Variants in UGT1A8 observed in about 807,000 individuals in gnomAD.
The protein encoded by UGT1A8 is UDP glucuronosyltransferase family 1 member A8.
In UGT1A8, 39 loss-of-function variants were observed where a neutral mutation model predicts 45.3. The ratio of observed to expected loss-of-function variants is 0.86; its 90% confidence interval spans 0.67 to 1.12. The LOEUF is 1.12. Among genes scored for constraint, UGT1A8 ranks in the 50% most tolerant of loss-of-function variants. UGT1A8 has a pLI of 0.00. For synonymous variants in UGT1A8, 275 were observed against 249.2 expected (o/e 1.10, Z -0.97); for missense variants, 719 against 664.9 (o/e 1.08, Z -0.90).
At chr2:233,699,885 G>A (rs2075529887) in intron 1 of UGT1A8, among the ~76,000 whole-genome samples, 1 of 152,260 alleles carries the variant, frequency 6.6e-6, no homozygotes, top group South Asian at 2.1e-4. Flanking sequence ...TGTTGCAATT[G>A]GAGAGGCGAA....
chr2:233,636,558 ATG>A, intron 1 of UGT1A8: 1 of 1,613,894 alleles, frequency 6.2e-7, no homozygotes, highest in South Asian at 1.1e-5. Context: ...CCGTTCCTTT[ATG>A]TGTGTGTCTA....
chr2:233,643,014 C>A (rs1016102191), intron 1 of UGT1A8, among the ~76,000 whole-genome samples: 1 of 152,224 alleles, frequency 6.6e-6, no homozygotes, highest in Admixed American at 6.5e-5. Context: ...ACCAGCACAG[C>A]TCTGGGTCTC....
intron 1 of UGT1A8, among the ~76,000 whole-genome samples, chr2:233,669,341 T>A (rs1396598765): frequency 6.6e-6 from 1 of 152,208 alleles, no homozygotes; most frequent in Non-Finnish European, 1.5e-5. Context: ...TTTGCCAATT[T>A]GTACAAAAAG....
chr2:233,700,852 C>T (rs1159927866), intron 1 of UGT1A8, among the ~76,000 whole-genome samples: 1 of 152,028 alleles, frequency 6.6e-6, no homozygotes, highest in Non-Finnish European at 1.5e-5. Flanking sequence ...AGGTATATCT[C>T]CTAATGCTAT....
rs755142636 is a variant in UGT1A8 at position 233,617,694 on chromosome 2, G to T, written c.-14G>T. Reference sequence around the variant, plus strand: ...CTTAGAATCCCAGCTGCTGGCTCGGGCTGCAGTTCTCTCATGGCTCGCACA... The same window carrying T: ...CTTAGAATCCCAGCTGCTGGCTCGGTCTGCAGTTCTCTCATGGCTCGCACA... On this transcript the variant is annotated 5_prime_UTR_variant, in exon 1 of 5. Transcript: ENST00000373450. 3.7e-6 allele frequency: 6 copies of T among 1,606,636 alleles called. No individual in the cohort carries two copies. Among genetic ancestry groups the T allele is most frequent in the Non-Finnish European group, 5.1e-6 (6 of 1,175,468 alleles).
At chr2:233,684,467 G>A (rs1367938076) in intron 1 of UGT1A8, among the ~76,000 whole-genome samples, 3 of 152,098 alleles carry the variant, frequency 2.0e-5, no homozygotes, top group Non-Finnish European at 4.4e-5. Flanking sequence ...CCCATGCTGA[G>A]TTTGTTGTGG....
In UGT1A8 at chr2:233,737,318, G is replaced by C. The variant is rs1217578074; in HGVS notation, c.856-29716G>C. On this transcript the variant is annotated intron_variant, in intron 1 of 4. Coordinates refer to ENST00000373450, the MANE Select transcript of UGT1A8 (RefSeq NM_019076.5). ...CCTCACAGTTCAATCTCAGACTGCT[G>C]CACTAGCAGTGAGCAAGGCTCCGTG... 2.0e-5 allele frequency among the ~76,000 whole-genome samples: 3 copies of C among 152,236 alleles called. No homozygotes were observed. In the East Asian group the frequency reaches 5.8e-4, roughly 29 times the overall value.
At position 233,655,662 on chromosome 2, in the gene UGT1A8, G is replaced by A. The variant is rs557451319; in HGVS notation, c.855+37100G>A. Among the ~76,000 whole-genome samples, 37 of 152,266 alleles carry A rather than the reference G, an allele frequency of 2.4e-4. No homozygotes were observed. In the South Asian group the frequency reaches 4.4e-3, roughly 18 times the overall value. On this transcript the variant is annotated intron_variant, in intron 1 of 4. Transcript: ENST00000373450. ...TCTCTTGTAGGGGATATGGGGGTGG[G>A]TGATCACTGTCCTGGTCTCCCTGAA... is the stretch of plus-strand genomic sequence containing the variant.
intron 1 of UGT1A8, chr2:233,693,062 C>T: frequency 6.2e-7 from 1 of 1,614,140 alleles, no homozygotes; most frequent in Non-Finnish European, 8.5e-7. Flanking sequence ...CTTCTTAGCA[C>T]TTTGGGGCAT....
chr2:233,702,690 G>A (rs1234332787), intron 1 of UGT1A8, among the ~76,000 whole-genome samples: 1 of 152,084 alleles, frequency 6.6e-6, no homozygotes, highest in African/African-American at 2.4e-5. Flanking sequence ...GTTTGGTTTT[G>A]TCAAATGCTT....
At position 233,769,829 on chromosome 2, in the gene UGT1A8, A is replaced by C; in HGVS notation, c.1295+1390A>C. 1.4e-6 allele frequency: 1 copy of C among 707,246 alleles called. No homozygotes were observed. Among genetic ancestry groups the C allele is most frequent in the East Asian group, 3.2e-5 (1 of 31,212 alleles). The allele number at this position is 707,246 out of a possible 1,614,324, so 43.8% of individuals were successfully genotyped here. On this transcript the variant is annotated intron_variant, in intron 4 of 4. Transcript: ENST00000373450. This position sits in a 1 kb window ranked among gnomAD's most constrained non-coding sequence, Gnocchi z 4.4. ...GTGATCATGCCACTGCACTCCAGCA[A>C]CCTGGGCAACAGAGTGAGACCCTGT...
chr2:233,741,589 G>C (rs1281207965), intron 1 of UGT1A8: 1 of 151,856 alleles, frequency 6.6e-6, no homozygotes, highest in Non-Finnish European at 1.5e-5. Flanking sequence ...GCACCTCGGA[G>C]CATGTTGATT....
chr2:233,681,494 G>A (rs2074525000), intron 1 of UGT1A8, among the ~76,000 whole-genome samples: 1 of 130,992 alleles, frequency 7.6e-6, no homozygotes, highest in African/African-American at 3.0e-5. Context: ...TCTTACCACT[G>A]CACTCCAGCC....
chr2:233,617,702 T>C lies in UGT1A8; in HGVS notation c.-6T>C. The C allele has an allele frequency of 6.2e-7, 1 of 1,609,628 alleles. No individual in the cohort carries two copies. The highest frequency in any genetic ancestry group is 1.3e-5 in the African/African-American group (1 of 74,964). ...CCCAGCTGCTGGCTCGGGCTGCAGT[T>C]CTCTCATGGCTCGCACAGGGTGGAC... On this transcript the variant is annotated 5_prime_UTR_variant, in exon 1 of 5. Transcript: ENST00000373450.
intron 1 of UGT1A8, among the ~76,000 whole-genome samples, chr2:233,667,803 T>A (rs932054071): frequency 1.3e-5 from 2 of 152,132 alleles, no homozygotes; most frequent in African/African-American, 4.8e-5. Flanking sequence ...ACTGGCCATC[T>A]GAGAAATGCA....
chr2:233,763,634 G>A (rs185655809), intron 1 of UGT1A8, among the ~76,000 whole-genome samples: 42 of 152,196 alleles, frequency 2.8e-4, no homozygotes, highest in Admixed American at 6.5e-4. Flanking sequence ...TGTGTTGATG[G>A]TCCTATTCTC....
intron 1 of UGT1A8, chr2:233,718,679 A>C: frequency 6.4e-7 from 1 of 1,568,142 alleles, no homozygotes; most frequent in Non-Finnish European, 8.6e-7. Context: ...ATGGGTAATA[A>C]GTAACTGGAG....
intron 3 of UGT1A8, 35 bp downstream of exon 3, chr2:233,767,971 A>C (rs71537802): frequency 2.1e-4 from 336 of 1,614,092 alleles, no homozygotes; most frequent in Non-Finnish European, 2.7e-4. Context: ...AGGTCAAACC[A>C]GGGTCAAATT....
At chr2:233,712,948 C>T in intron 1 of UGT1A8, 3 of 1,612,658 alleles carry the variant, frequency 1.9e-6, no homozygotes, top group Non-Finnish European at 2.5e-6. Context: ...TTCTAGGAGG[C>T]ACAACGTGGG....
Sources: allele counts gnomAD v4.1 joint callset (sites outside exome capture counted in the v4.1 genomes callset), GRCh38; gene constraint gnomAD v4.1.1; non-coding constraint Gnocchi (gnomAD v3.1); transcripts MANE v1.5; gene names NCBI Gene and HGNC (gene_info 2026-07-23, HGNC 2026-07-21).